Variants in SARNP observed in about 807,000 individuals in gnomAD.
SARNP encodes the protein SAP domain-containing ribonucleoprotein.
Under a neutral mutation model 38.1 loss-of-function variants are expected in SARNP, and 5 were observed. That is an observed-to-expected ratio of 0.13 (90% CI 0.07 to 0.28). The LOEUF (loss-of-function observed/expected upper bound fraction) is 0.28. Ranked by LOEUF, SARNP falls within the 10% of genes least tolerant of loss-of-function variation. SARNP has a pLI of 1.00. For missense variants in SARNP, 180 were observed against 243.9 expected, an observed-to-expected ratio of 0.74 and a Z score of 1.75; for synonymous variants, 84 against 80.6, an observed-to-expected ratio of 1.04 and a Z score of -0.23.
At chr12:55,774,194 G>T (rs1879094246) in intron 9 of SARNP, among the ~76,000 whole-genome samples, 1 of 151,872 alleles carries the variant, frequency 6.6e-6, no homozygotes, top group South Asian at 2.1e-4. Flanking sequence ...GTAGAGACAA[G>T]GTCTCACTAT....
At chr12:55,803,788 T>G in intron 1 of SARNP, 60 bp from the exon 2 acceptor site, 2 of 1,103,462 alleles carry the variant, frequency 1.8e-6, no homozygotes, top group Non-Finnish European at 2.7e-6. Flanking sequence ...GTGAATAAAA[T>G]GGTAGTTCCC....
chr12:55,815,223 A>G (rs2136210641), intron 1 of SARNP, among the ~76,000 whole-genome samples: 1 of 152,182 alleles, frequency 6.6e-6, no homozygotes, highest in Non-Finnish European at 1.5e-5. Context: ...ATGCCCAGCT[A>G]ATTTTTTAAT....
At chr12:55,815,700 G>C (rs1172488259) in intron 1 of SARNP, among the ~76,000 whole-genome samples, 1 of 152,128 alleles carries the variant, frequency 6.6e-6, no homozygotes, top group Non-Finnish European at 1.5e-5. Context: ...CTGGCCTCAA[G>C]CAATCCGCCC....
At chr12:55,804,886 T>C (rs1880091604) in intron 1 of SARNP, among the ~76,000 whole-genome samples, 1 of 152,134 alleles carries the variant, frequency 6.6e-6, no homozygotes, top group African/African-American at 2.4e-5. Context: ...GACAAAAAAT[T>C]TTACAACTAT....
chr12:55,780,591 A>G (rs1282370039), intron 9 of SARNP, among the ~76,000 whole-genome samples: 1 of 151,964 alleles, frequency 6.6e-6, no homozygotes, highest in Non-Finnish European at 1.5e-5. Flanking sequence ...AATCACTTGA[A>G]CCCGGGAAGC....
chr12:55,771,622 A>G (rs1879010207), intron 9 of SARNP, among the ~76,000 whole-genome samples: 1 of 152,142 alleles, frequency 6.6e-6, no homozygotes, highest in Non-Finnish European at 1.5e-5. Context: ...CCCCCTCAAA[A>G]GTCTTTTCCC....
chr12:55,789,777 CTACTAAAAATACAAAAA>C (rs1260416232), intron 8 of SARNP, among the ~76,000 whole-genome samples: 1 of 151,920 alleles, frequency 6.6e-6, no homozygotes, highest in African/African-American at 2.4e-5. Context: ...AACCCCGTCT[CTACTAAAAATACAAAAA>C]TTAGCCGGGC....
At chr12:55,787,114 C>G (rs1170411755) in intron 9 of SARNP, among the ~76,000 whole-genome samples, 1 of 151,700 alleles carries the variant, frequency 6.6e-6, no homozygotes, top group Non-Finnish European at 1.5e-5. Context: ...CATCTGTGGT[C>G]CCACCTACTC....
intron 6 of SARNP, 75 bp downstream of exon 6, chr12:55,794,732 A>G: frequency 4.5e-6 from 4 of 886,314 alleles, no homozygotes; most frequent in Non-Finnish European, 7.4e-6. Context: ...CAACAATTAT[A>G]CCTAAAAGCT....
At chr12:55,799,953 G>A (rs541957565) in intron 4 of SARNP, among the ~76,000 whole-genome samples, 3 of 151,746 alleles carry the variant, frequency 2.0e-5, no homozygotes, top group Non-Finnish European at 4.4e-5. Flanking sequence ...ACTTTGGGAC[G>A]CCAAGGCAGA....
intron 1 of SARNP, among the ~76,000 whole-genome samples, chr12:55,807,646 CAA>C (rs768134544): frequency 3.4e-4 from 26 of 75,390 alleles, no homozygotes; most frequent in Non-Finnish European, 3.6e-4. Context: ...ACTAAAAATA[CAA>C]AAAAAAAAAA....
chr12:55,765,946 A>G (rs1878817588), intron 9 of SARNP, among the ~76,000 whole-genome samples: 1 of 152,134 alleles, frequency 6.6e-6, no homozygotes, highest in Non-Finnish European at 1.5e-5. Context: ...CAAACGTACA[A>G]TAAACTTCAC....
chr12:55,775,558 A>C (rs931874284), intron 9 of SARNP, among the ~76,000 whole-genome samples: 6 of 151,512 alleles, frequency 4.0e-5, no homozygotes, highest in African/African-American at 1.5e-4. Flanking sequence ...ACAAAAACAA[A>C]AAAAAAAAAC....
intron 2 of SARNP, among the ~76,000 whole-genome samples, chr12:55,802,765 A>G (rs1880018722): frequency 6.6e-6 from 1 of 151,552 alleles, no homozygotes; most frequent in Non-Finnish European, 1.5e-5. Context: ...GTATACTATA[A>G]GTAGTATCAC....
chr12:55,800,109 T>C (rs1270887132), intron 4 of SARNP, among the ~76,000 whole-genome samples: 1 of 151,786 alleles, frequency 6.6e-6, no homozygotes, highest in Non-Finnish European at 1.5e-5. Context: ...GAGAATTGCT[T>C]GAGCCTGGGA....
intron 9 of SARNP, chr12:55,762,561 T>G (rs745419523): frequency 6.6e-6 from 1 of 152,196 alleles, no homozygotes; most frequent in African/African-American, 2.4e-5. Context: ...TGTGAGCCAC[T>G]GCGCCTGGCC....
intron 9 of SARNP, among the ~76,000 whole-genome samples, chr12:55,778,853 C>T (rs1879261306): frequency 6.6e-6 from 1 of 152,118 alleles, no homozygotes; most frequent in Non-Finnish European, 1.5e-5. Context: ...CACTTGTAAT[C>T]CAAGCTATTC....
At chr12:55,755,842 G>A (rs965208451), downstream of SARNP, 1 of 152,122 alleles carries the variant, frequency 6.6e-6, no homozygotes, top group Non-Finnish European at 1.5e-5. Context: ...AAGATCTAGG[G>A]GAAGTAAGAT....
chr12:55,804,006 T>G (rs902287594), intron 1 of SARNP, among the ~76,000 whole-genome samples: 6 of 152,222 alleles, frequency 3.9e-5, no homozygotes, highest in African/African-American at 7.2e-5. Flanking sequence ...CACAAATCTC[T>G]AGTTATTTCT....
Sources: gnomAD v4.1 joint callset for allele counts (sites outside exome capture counted in the v4.1 genomes callset) on GRCh38, gnomAD v4.1.1 for gene constraint, MANE v1.5 for transcripts, NCBI Gene and HGNC (gene_info 2026-07-23, HGNC 2026-07-21) for gene names.